Variants in PRKN observed in about 807,000 individuals in gnomAD.
PRKN encodes the protein parkin RBR E3 ubiquitin protein ligase.
A neutral mutation model predicts 59.5 loss-of-function variants in PRKN; 56 were observed. That is an observed-to-expected ratio of 0.94 (90% CI 0.76 to 1.18). The LOEUF (loss-of-function observed/expected upper bound fraction) is 1.18. PRKN is among the 50% of genes most tolerant of loss of function. The pLI, the probability that PRKN is intolerant of heterozygous loss-of-function variation, is 0.00. For synonymous variants in PRKN, 250 were observed against 222.1 expected (o/e 1.13, Z -1.12); for missense variants, 657 against 596.4 (o/e 1.10, Z -1.06).
intron 6 of PRKN, among the ~76,000 whole-genome samples, chr6:161,837,369 AGT>A (rs1792801836): frequency 2.0e-5 from 3 of 152,192 alleles, no homozygotes; most frequent in Admixed American, 6.5e-5. Context: ...CCGCAAGCAG[AGT>A]GTGTTTGTTT....
intron 2 of PRKN, among the ~76,000 whole-genome samples, chr6:162,360,996 C>T (rs1785108898): frequency 1.3e-5 from 2 of 152,122 alleles, no homozygotes; most frequent in Non-Finnish European, 1.5e-5. Flanking sequence ...AACAGAGTTC[C>T]AGGATTTTAG....
chr6:162,250,061 G>C (rs747281412), intron 3 of PRKN, among the ~76,000 whole-genome samples: 2 of 151,944 alleles, frequency 1.3e-5, no homozygotes, highest in Admixed American at 6.6e-5. Flanking sequence ...CAGGAGAATC[G>C]CTTGAGCCCA....
At chr6:162,659,233 C>A (rs1778787157) in intron 1 of PRKN, among the ~76,000 whole-genome samples, 2 of 151,916 alleles carry the variant, frequency 1.3e-5, no homozygotes, top group Non-Finnish European at 2.9e-5. Flanking sequence ...TGCCTTTTTT[C>A]CTTTAACTTA....
At chr6:162,522,004 T>C (rs1457688111) in intron 1 of PRKN, among the ~76,000 whole-genome samples, 1 of 152,230 alleles carries the variant, frequency 6.6e-6, no homozygotes, top group Non-Finnish European at 1.5e-5. Flanking sequence ...TATAAAGATG[T>C]AACTCACTTT....
intron 1 of PRKN, among the ~76,000 whole-genome samples, chr6:162,707,537 T>C (rs1778379796): frequency 1.3e-5 from 2 of 151,796 alleles, no homozygotes; most frequent in Middle Eastern, 3.2e-3. Flanking sequence ...ATTTCACAAA[T>C]ATTCTATTTC....
In PRKN at chr6:161,466,655, G is replaced by A. The variant is rs1036263873; in HGVS notation, c.1084-79778C>T. 5.3e-5 allele frequency among the ~76,000 whole-genome samples: 8 copies of A among 152,134 alleles called. No homozygotes were observed. Among genetic ancestry groups the A allele is most frequent in the African/African-American group, 1.9e-4 (8 of 41,436 alleles). On this transcript the variant is annotated intron_variant, in intron 9 of 11. Transcript: ENST00000366898. The surrounding 1 kb of genome is among the most constrained non-coding windows in gnomAD (Gnocchi z 5.0). The stretch of plus-strand genomic sequence containing the variant: ...AAGGACTGCACTCAAAGTAACAGGA[G>A]GGCCTAACCTTAAATAAATATGCAG...
At chr6:161,759,024 C>A (rs6924418) in intron 7 of PRKN, among the ~76,000 whole-genome samples, 82,003 of 151,838 alleles carry the variant, frequency 0.54, 22,168 homozygotes, top group East Asian at 0.56. Context: ...TAAAAATACA[C>A]AAATTAGCCA....
At chr6:162,016,422 C>T (rs1019124519) in intron 5 of PRKN, among the ~76,000 whole-genome samples, 2 of 152,092 alleles carry the variant, frequency 1.3e-5, no homozygotes, top group African/African-American at 2.4e-5. Flanking sequence ...AATGCTCCTC[C>T]TGTCTTTCTT....
In PRKN at chr6:161,562,513, T is replaced by G. The variant is rs544032225; in HGVS notation, c.933+6842A>C. Among the ~76,000 whole-genome samples, 63 of 152,324 alleles carry G rather than the reference T, an allele frequency of 4.1e-4. 1 individual carries two copies. In the South Asian group the frequency reaches 0.012, roughly 30 times the overall value. The stretch of plus-strand genomic sequence containing the variant: ...CCATGGGTTTAAAATTTCCTCTACA[T>G]GCTGGTAATTCCAAAGTTATCTCTC... On this transcript the variant is annotated intron_variant, in intron 8 of 11. Coordinates refer to ENST00000366898, the MANE Select transcript of PRKN (RefSeq NM_004562.3). This position sits in a 1 kb window ranked among gnomAD's most constrained non-coding sequence, Gnocchi z 4.3.
At chr6:161,478,160 C>T (rs191255675) in intron 9 of PRKN, among the ~76,000 whole-genome samples, 1 of 152,272 alleles carries the variant, frequency 6.6e-6, no homozygotes, top group Non-Finnish European at 1.5e-5. Context: ...TATTGTTCAT[C>T]TGAACAAATT....
At chr6:161,568,489 A>G (rs1780738019) in intron 8 of PRKN, among the ~76,000 whole-genome samples, 1 of 152,176 alleles carries the variant, frequency 6.6e-6, no homozygotes, top group South Asian at 2.1e-4. Flanking sequence ...GCTGCTCAGG[A>G]GGCTGAGACA....
intron 7 of PRKN, among the ~76,000 whole-genome samples, chr6:161,663,803 C>T (rs901366477): frequency 6.6e-6 from 1 of 152,224 alleles, no homozygotes. Context: ...CTATGATTCT[C>T]TAAGCTCCCA....
intron 1 of PRKN, among the ~76,000 whole-genome samples, chr6:162,625,318 C>T (rs150547501): frequency 3.9e-5 from 6 of 152,268 alleles, no homozygotes; most frequent in East Asian, 3.9e-4. Context: ...TGAAGGATGA[C>T]GTTAAAGTGA....
At chr6:161,366,977 G>GT (rs1239552048) in intron 10 of PRKN, among the ~76,000 whole-genome samples, 1 of 85,620 alleles carries the variant, frequency 1.2e-5, no homozygotes. Flanking sequence ...GGGTTTTTTT[G>GT]TTTCCTTTTT....
Position 161,785,826 on chromosome 6 carries a change from T to C in PRKN, c.817A>G (p.Asn273Asp). The C allele has an allele frequency of 6.2e-7, 1 of 1,614,138 alleles. No individual in the cohort carries two copies. The highest frequency in any genetic ancestry group is 8.5e-7 in the Non-Finnish European group (1 of 1,180,002). The change falls in exon 7 of 12, where the codon AAT becomes GAT. Residue 273 changes from asparagine to aspartate, a missense_variant. Asn to Asp is a conservative substitution (Grantham distance 23). Coordinates refer to ENST00000366898, the MANE Select transcript of PRKN (RefSeq NM_004562.3). ...CFHLYCVTRLNDRQFVHDPQL... is the reference protein window; with the variant it reads ...CFHLYCVTRLDDRQFVHDPQL... ...GGGTCGTGAACAAACTGCCGATCAT[T>C]GAGTCTTGTCACACAGTATAAGTGG... is the stretch of plus-strand genomic sequence containing the variant.
intron 2 of PRKN, among the ~76,000 whole-genome samples, chr6:162,390,295 A>G (rs2128144201): frequency 6.6e-6 from 1 of 151,078 alleles, no homozygotes; most frequent in Non-Finnish European, 1.5e-5. Flanking sequence ...CTTTAAAGAA[A>G]TTTTTAGTTT....
chr6:162,564,747 C>A (rs1402291837), intron 1 of PRKN, among the ~76,000 whole-genome samples: 1 of 151,992 alleles, frequency 6.6e-6, no homozygotes, highest in African/African-American at 2.4e-5. Flanking sequence ...AATAGTGTAT[C>A]TGGCAAAACT....
rs866574447 is a variant in PRKN, at chr6:162,011,184, T to A, written c.619-37767A>T. 1.9e-3 allele frequency among the ~76,000 whole-genome samples: 4 copies of A among 2,062 alleles called. No individual in the cohort carries two copies. In the African/African-American group the frequency reaches 0.038, roughly 20 times the overall value. The allele number at this position is 2,062 out of a possible 152,430, so 1.4% of individuals were successfully genotyped here. The stretch of plus-strand genomic sequence containing the variant: ...CTATATTATATATAATATAGTATAT[T>A]TTATAATATATACTATATTATATAT... On this transcript the variant is annotated intron_variant, in intron 5 of 11. Coordinates refer to ENST00000366898, the MANE Select transcript of PRKN (RefSeq NM_004562.3).
chr6:162,599,993 A>C (rs770840745), intron 1 of PRKN, among the ~76,000 whole-genome samples: 7 of 152,162 alleles, frequency 4.6e-5, no homozygotes, highest in Admixed American at 2.0e-4. Context: ...TTTTTAATTG[A>C]TGTTTCATTT....
Sources: allele counts gnomAD v4.1 joint callset (sites outside exome capture counted in the v4.1 genomes callset), GRCh38; gene constraint gnomAD v4.1.1; non-coding constraint Gnocchi (gnomAD v3.1); transcripts MANE v1.5; gene names NCBI Gene and HGNC (gene_info 2026-07-23, HGNC 2026-07-21).